PYGB: variants seen among roughly 807,000 people sequenced by gnomAD.
The protein encoded by PYGB is glycogen phosphorylase, brain form.
PYGB carries 82 observed loss-of-function variants against 94.3 expected under a neutral mutation model. That is an observed-to-expected ratio of 0.87 (90% CI 0.73 to 1.04). PYGB has a LOEUF of 1.04. PYGB is among the 50% of genes least tolerant of loss of function. PYGB has a pLI of 0.00. For missense variants in PYGB, 1,132 were observed against 1,158.2 expected, an observed-to-expected ratio of 0.98 and a Z score of 0.33; for synonymous variants, 488 against 479.1, an observed-to-expected ratio of 1.02 and a Z score of -0.24.
At chr20:25,283,991 C>T in intron 13 of PYGB, 113 bp from the exon 14 acceptor site, 2 of 1,322,168 alleles carry the variant, frequency 1.5e-6, no homozygotes, top group Non-Finnish European at 2.1e-6. Flanking sequence ...GCCTGTATAC[C>T]CCTGCCCCCT....
At chr20:25,272,603 G>A (rs1281731200) in intron 4 of PYGB, among the ~76,000 whole-genome samples, 1 of 152,224 alleles carries the variant, frequency 6.6e-6, no homozygotes, top group African/African-American at 2.4e-5. Flanking sequence ...GTTTGAAAAC[G>A]CTCATAATAA....
chr20:25,276,188 A>C (rs368039961), intron 5 of PYGB, among the ~76,000 whole-genome samples: 1 of 152,090 alleles, frequency 6.6e-6, no homozygotes, highest in East Asian at 1.9e-4. Flanking sequence ...TGCAGGAGCA[A>C]CCTTCCCGCA....
chr20:25,270,181 C>T (rs2088253233), intron 3 of PYGB, among the ~76,000 whole-genome samples: 1 of 148,982 alleles, frequency 6.7e-6, no homozygotes, highest in African/African-American at 2.5e-5. Context: ...TTTTTTTAAT[C>T]CTGAAGTTTT....
chr20:25,286,097 A>G (rs1259250482), intron 14 of PYGB, among the ~76,000 whole-genome samples: 4 of 152,088 alleles, frequency 2.6e-5, no homozygotes, highest in South Asian at 2.1e-4. Flanking sequence ...CGATCTCATC[A>G]GTGACTCACT....
chr20:25,293,886 T>C (rs2088498934), intron 17 of PYGB: 1 of 494,826 alleles, frequency 2.0e-6, no homozygotes, highest in African/African-American at 2.0e-5. Context: ...AGCCACTATG[T>C]CCTAGCAGAT....
intron 10 of PYGB, 33 bp from the exon 11 acceptor site, chr20:25,280,916 G>A: frequency 6.2e-7 from 1 of 1,609,176 alleles, no homozygotes; most frequent in South Asian, 1.1e-5. Context: ...GGCCTCCTGT[G>A]CCCACCCACC....
At chr20:25,281,721 G>C (rs562944543) in intron 11 of PYGB, among the ~76,000 whole-genome samples, 1 of 152,198 alleles carries the variant, frequency 6.6e-6, no homozygotes, top group Non-Finnish European at 1.5e-5. Context: ...GAAGTCCTGC[G>C]GTCTCGGCTG....
At chr20:25,293,093 A>G (rs1364567952) in intron 17 of PYGB, among the ~76,000 whole-genome samples, 3 of 129,484 alleles carry the variant, frequency 2.3e-5, no homozygotes, top group Admixed American at 9.8e-5. Context: ...TAAAAATAGT[A>G]TTTTGGAAAC....
chr20:25,251,655 A>T (rs957847633), intron 1 of PYGB, among the ~76,000 whole-genome samples: 1 of 152,174 alleles, frequency 6.6e-6, no homozygotes, highest in African/African-American at 2.4e-5. Context: ...GAGTCACGGG[A>T]TCCCTTCTAT....
chr20:25,249,130 G>A (rs1163605104), intron 1 of PYGB, among the ~76,000 whole-genome samples: 2 of 152,208 alleles, frequency 1.3e-5, no homozygotes, highest in African/African-American at 4.8e-5. Context: ...GTCACTGATT[G>A]TCCCCGTTAC....
chr20:25,293,946 C>T lies in PYGB; in HGVS notation c.2178-212C>T, dbSNP rs2088499835. The T allele has an allele frequency of 5.0e-6, 3 of 605,470 alleles. No homozygotes were observed. The South Asian group carries it at 5.9e-5, about 12-fold the overall frequency. 37.5% of individuals were successfully genotyped at this position (605,470 alleles called of 1,614,324 possible). ...CAGTCAAAGGAGCAGGTGGGATTGG[C>T]TTTAGACTGACTTCACATCTCTGCT... On this transcript the variant is annotated intron_variant, in intron 17 of 19. Transcript: ENST00000216962.
chr20:25,292,741 G>A, intron 17 of PYGB, 128 bp downstream of exon 17: 1 of 1,233,380 alleles, frequency 8.1e-7, no homozygotes, highest in Middle Eastern at 2.0e-4. Flanking sequence ...TGCCCACCCA[G>A]GGCTGTGTGC....
At chr20:25,261,705 C>T (rs1466850177) in intron 2 of PYGB, among the ~76,000 whole-genome samples, 2 of 152,116 alleles carry the variant, frequency 1.3e-5, no homozygotes, top group African/African-American at 4.8e-5. Flanking sequence ...ATGATCGAAC[C>T]CATCACAAAG....
At position 25,276,772 on chromosome 20, in the gene PYGB, T is replaced by C; in HGVS notation, c.772+15T>C. The C allele has an allele frequency of 1.9e-6, 3 of 1,608,570 alleles. No homozygotes were observed. Among genetic ancestry groups the C allele is most frequent in the Non-Finnish European group, 2.6e-6 (3 of 1,175,478 alleles). On this transcript the variant is annotated intron_variant, in intron 6 of 19. Transcript: ENST00000216962. ...GCTGCAGGACTGTACGTTCCGTGGT[T>C]CTTGGCACCCTTGTGTCCATGTGGG...
intron 15 of PYGB, chr20:25,290,075 T>C (rs2088452137): frequency 2.4e-6 from 1 of 416,648 alleles, no homozygotes; most frequent in East Asian, 6.8e-5. Flanking sequence ...AGTCTGTCTG[T>C]TACAGACATC....
intron 11 of PYGB, among the ~76,000 whole-genome samples, chr20:25,281,662 G>C (rs2088368512): frequency 6.6e-6 from 1 of 152,136 alleles, no homozygotes; most frequent in Admixed American, 6.5e-5. Flanking sequence ...TTCGTGTCGG[G>C]CCCCTCCCCA....
At chr20:25,276,814 C>T in intron 6 of PYGB, 57 bp downstream of exon 6, 1 of 1,510,402 alleles carries the variant, frequency 6.6e-7, no homozygotes, top group South Asian at 1.2e-5. Context: ...GTCCCAGACA[C>T]CCTCGCCCAC....
intron 14 of PYGB, 68 bp from the exon 15 acceptor site, chr20:25,288,357 G>C (rs1022508585): frequency 6.4e-7 from 1 of 1,571,484 alleles, no homozygotes; most frequent in African/African-American, 1.3e-5. Flanking sequence ...CTCTGATGCT[G>C]CTGGGCCCCA....
At chr20:25,286,160 C>T (rs1293116985) in intron 14 of PYGB, among the ~76,000 whole-genome samples, 3 of 152,322 alleles carry the variant, frequency 2.0e-5, no homozygotes, top group South Asian at 2.1e-4. Context: ...GCCAATACTC[C>T]GGGTGCTTGT....
Sources: gnomAD v4.1 joint callset for allele counts (sites outside exome capture counted in the v4.1 genomes callset) on GRCh38, gnomAD v4.1.1 for gene constraint, MANE v1.5 for transcripts, NCBI Gene and HGNC (gene_info 2026-07-23, HGNC 2026-07-21) for gene names.